The following CNTNAP2 variants were observed in gnomAD, a reference collection of about 807,000 sequenced individuals.
CNTNAP2 encodes the protein contactin-associated protein-like 2.
CNTNAP2 carries 98 observed loss-of-function variants against 155.2 expected under a neutral mutation model. That is an observed-to-expected ratio of 0.63 (90% CI 0.54 to 0.75). The LOEUF (loss-of-function observed/expected upper bound fraction) is 0.75, where lower values mean the gene tolerates loss of function less well. CNTNAP2 is among the 30% of genes least tolerant of loss of function. CNTNAP2 has a pLI of 0.00. For synonymous variants in CNTNAP2, 651 were observed against 631.2 expected (o/e 1.03, Z -0.47); for missense variants, 1,727 against 1,688.1 (o/e 1.02, Z -0.40).
At chr7:147,583,709 C>G (rs1480758633) in intron 12 of CNTNAP2, among the ~76,000 whole-genome samples, 1 of 151,898 alleles carries the variant, frequency 6.6e-6, no homozygotes, top group Non-Finnish European at 1.5e-5. Flanking sequence ...ACAGCATATT[C>G]TCTAAGGGGA....
intron 13 of CNTNAP2, among the ~76,000 whole-genome samples, chr7:147,902,796 GTGTGTGTGTGTGTGTGTA>G (rs749271203): frequency 0.035 from 4,751 of 137,604 alleles, 107 homozygotes; most frequent in African/African-American, 0.063. Context: ...GTGTGTGTGT[GTGTGTGTGTGTGTGTGTA>G]TGTGTGTGTG....
At chr7:148,162,017 G>A (rs1209844383) in intron 17 of CNTNAP2, among the ~76,000 whole-genome samples, 4 of 152,228 alleles carry the variant, frequency 2.6e-5, no homozygotes, top group East Asian at 1.9e-4. Context: ...ACTAGCATCC[G>A]CAAAGGCTTG....
At chr7:146,927,885 A>G (rs1279337558) in intron 3 of CNTNAP2, among the ~76,000 whole-genome samples, 2 of 151,386 alleles carry the variant, frequency 1.3e-5, no homozygotes, top group Non-Finnish European at 2.9e-5. Context: ...ATATATTTCT[A>G]TAGAGAGAGT....
Position 146,176,357 on chromosome 7 carries a change from C to T in CNTNAP2, c.97+59384C>T, listed in dbSNP as rs192898681. ...TTTAGAAAAATACAAGTTAATTAAG[C>T]TTAGGGACTGGAGGCGTAAAGGATA... is the stretch of plus-strand genomic sequence containing the variant. On this transcript the variant is annotated intron_variant, in intron 1 of 23. Coordinates refer to ENST00000361727, the MANE Select transcript of CNTNAP2 (RefSeq NM_014141.6). 1.7e-3 allele frequency among the ~76,000 whole-genome samples: 255 copies of T among 152,084 alleles called. 1 individual carries two copies. Among genetic ancestry groups the T allele is most frequent in the South Asian group, 2.1e-3 (10 of 4,810 alleles).
intron 14 of CNTNAP2, among the ~76,000 whole-genome samples, chr7:147,914,152 A>G (rs1215685677): frequency 6.6e-6 from 1 of 152,210 alleles, no homozygotes; most frequent in Non-Finnish European, 1.5e-5. Flanking sequence ...GTAGATACAT[A>G]AACACTTGCA....
At chr7:146,578,392 C>A (rs1008108222) in intron 1 of CNTNAP2, among the ~76,000 whole-genome samples, 1 of 152,038 alleles carries the variant, frequency 6.6e-6, no homozygotes, top group East Asian at 1.9e-4. Flanking sequence ...CTTGTACCTG[C>A]GTCTTAGACA....
chr7:146,213,983 C>T (rs1373104131), intron 1 of CNTNAP2, among the ~76,000 whole-genome samples: 2 of 152,054 alleles, frequency 1.3e-5, no homozygotes, highest in Non-Finnish European at 2.9e-5. Flanking sequence ...CTTCGGTTTC[C>T]TCATCTGAAA....
At chr7:146,607,264 C>T (rs1475640568) in intron 1 of CNTNAP2, among the ~76,000 whole-genome samples, 6 of 152,070 alleles carry the variant, frequency 3.9e-5, no homozygotes, top group Admixed American at 3.9e-4. Flanking sequence ...GTTTAATCTT[C>T]AAGATATCTC....
At chr7:147,900,807 A>G (rs1052948869) in intron 13 of CNTNAP2, among the ~76,000 whole-genome samples, 2 of 152,122 alleles carry the variant, frequency 1.3e-5, no homozygotes, top group Non-Finnish European at 2.9e-5. Flanking sequence ...TTTTGAAATG[A>G]TGTTGTAATC....
chr7:147,267,416 T>C (rs1351890055), intron 8 of CNTNAP2, among the ~76,000 whole-genome samples: 1 of 152,190 alleles, frequency 6.6e-6, no homozygotes, highest in Non-Finnish European at 1.5e-5. Flanking sequence ...GATTAATTAA[T>C]TTAACTTTGA....
intron 1 of CNTNAP2, among the ~76,000 whole-genome samples, chr7:146,533,801 T>C (rs1256539528): frequency 2.6e-5 from 4 of 152,138 alleles, no homozygotes; most frequent in Admixed American, 2.6e-4. Context: ...CAAGTTTGCA[T>C]GTAATATTCA....
intron 15 of CNTNAP2, among the ~76,000 whole-genome samples, chr7:148,068,684 A>G (rs545051797): frequency 6.6e-6 from 1 of 152,290 alleles, no homozygotes; most frequent in East Asian, 1.9e-4. Context: ...TTTTTTCCCA[A>G]TAATGTTATA....
intron 18 of CNTNAP2, among the ~76,000 whole-genome samples, chr7:148,198,390 G>A (rs765690170): frequency 1.3e-5 from 2 of 152,188 alleles, no homozygotes; most frequent in African/African-American, 2.4e-5. Context: ...TTAACTCATC[G>A]AGTATCTAAT....
intron 1 of CNTNAP2, among the ~76,000 whole-genome samples, chr7:146,176,466 A>G (rs1321199115): frequency 2.0e-5 from 3 of 152,190 alleles, no homozygotes; most frequent in Non-Finnish European, 2.9e-5. Context: ...TTATTGAAAT[A>G]AAAATTGACA....
chr7:147,372,454 A>G (rs540102822), intron 9 of CNTNAP2, among the ~76,000 whole-genome samples: 1 of 152,096 alleles, frequency 6.6e-6, no homozygotes, highest in African/African-American at 2.4e-5. Context: ...TGCTTTCCTA[A>G]GTTTAAGTTG....
At chr7:146,959,379 G>A (rs1797507363) in intron 3 of CNTNAP2, among the ~76,000 whole-genome samples, 1 of 152,076 alleles carries the variant, frequency 6.6e-6, no homozygotes, top group African/African-American at 2.4e-5. Flanking sequence ...CTCAAACTCA[G>A]ATACACAATC....
At chr7:147,676,986 T>A (rs906662236) in intron 13 of CNTNAP2, among the ~76,000 whole-genome samples, 1 of 151,942 alleles carries the variant, frequency 6.6e-6, no homozygotes, top group African/African-American at 2.4e-5. Flanking sequence ...AATGTAGATA[T>A]CTCTTTGACA....
intron 9 of CNTNAP2, among the ~76,000 whole-genome samples, chr7:147,306,580 TA>T (rs1356533039): frequency 1.3e-5 from 2 of 152,214 alleles, no homozygotes; most frequent in African/African-American, 4.8e-5. Flanking sequence ...GTGTAAATGA[TA>T]AGAAAATGTA....
intron 20 of CNTNAP2, among the ~76,000 whole-genome samples, chr7:148,235,044 G>C (rs1796020903): frequency 6.6e-6 from 1 of 152,130 alleles, no homozygotes. Flanking sequence ...TAGGTCCTCA[G>C]GAACAAATGA....
Sources: allele counts gnomAD v4.1 joint callset (sites outside exome capture counted in the v4.1 genomes callset), GRCh38; gene constraint gnomAD v4.1.1; transcripts MANE v1.5; gene names NCBI Gene and HGNC (gene_info 2026-07-23, HGNC 2026-07-21).